The following MSRA variants were observed in gnomAD, a reference collection of about 807,000 sequenced individuals.
MSRA encodes the protein mitochondrial peptide methionine sulfoxide reductase.
A neutral mutation model predicts 31.3 loss-of-function variants in MSRA; 54 were observed. That is an observed-to-expected ratio of 1.73 (90% CI 1.39 to 2.17). MSRA has a LOEUF of 2.17. Ranked by LOEUF, MSRA falls within the 30% of genes most tolerant of loss-of-function variation. The probability of loss-of-function intolerance (pLI) is 0.00; values close to 1 mark genes in which losing one functional copy is unlikely to be tolerated. For missense variants in MSRA, 507 were observed against 300.9 expected, an observed-to-expected ratio of 1.69 and a Z score of -5.07; for synonymous variants, 169 against 116.5, an observed-to-expected ratio of 1.45 and a Z score of -2.90.
intron 3 of MSRA, among the ~76,000 whole-genome samples, chr8:10,288,133 G>A (rs1335982351): frequency 6.6e-6 from 1 of 152,202 alleles, no homozygotes; most frequent in Non-Finnish European, 1.5e-5. Context: ...TCACCATTTT[G>A]ATTGTACTGA....
At chr8:10,298,789 G>C (rs910303905) in intron 3 of MSRA, among the ~76,000 whole-genome samples, 1 of 152,076 alleles carries the variant, frequency 6.6e-6, no homozygotes, top group African/African-American at 2.4e-5. Flanking sequence ...TACCACGTTT[G>C]TTTCCCTTTG....
intron 4 of MSRA, among the ~76,000 whole-genome samples, chr8:10,315,384 G>T (rs754486803): frequency 6.6e-6 from 1 of 152,244 alleles, no homozygotes; most frequent in Non-Finnish European, 1.5e-5. Context: ...ACACATGGAA[G>T]ACTCTCAAGG....
At chr8:10,142,633 T>A (rs1802812985) in intron 1 of MSRA, among the ~76,000 whole-genome samples, 2 of 152,254 alleles carry the variant, frequency 1.3e-5, no homozygotes, top group Non-Finnish European at 2.9e-5. Context: ...TTAGTCTCTT[T>A]AGGAGGTTAT....
intron 1 of MSRA, among the ~76,000 whole-genome samples, chr8:10,205,728 CTT>C (rs1232621086): frequency 3.3e-5 from 5 of 152,156 alleles, no homozygotes; most frequent in Admixed American, 3.3e-4. Flanking sequence ...CTTGCATAGT[CTT>C]TGTGTTTTCA....
rs983468393 is a variant in MSRA, at chr8:10,411,543, A to G, written c.544-16605A>G. The G allele has an allele frequency of 4.6e-5, 7 of 152,086 alleles. No individual in the cohort carries two copies. In the East Asian group the frequency reaches 1.3e-3, roughly 29 times the overall value. The allele number at this position is 152,086 out of a possible 1,614,324, so 9.4% of individuals were successfully genotyped here. A position where few individuals can be genotyped will look rare whatever the true frequency, so the allele number is the denominator to read the frequency against. On this transcript the variant is annotated intron_variant, in intron 5 of 5. Transcript: ENST00000317173. ...CATTGAATTCTTAGCTTCAGCCAAT[A>G]TAGTGTGAGGTTAGACATATTGCAG...
intron 3 of MSRA, among the ~76,000 whole-genome samples, chr8:10,269,351 A>T (rs1405780927): frequency 6.6e-6 from 1 of 152,244 alleles, no homozygotes; most frequent in Non-Finnish European, 1.5e-5. Context: ...TCTTCAAGAA[A>T]CAGAACTTAT....
At chr8:10,221,959 C>T (rs1316810622) in intron 2 of MSRA, among the ~76,000 whole-genome samples, 3 of 152,096 alleles carry the variant, frequency 2.0e-5, no homozygotes, top group African/African-American at 4.8e-5. Context: ...CAGCTGAGGT[C>T]AGAGACTACG....
At chr8:10,239,824 G>T (rs1215589288) in intron 2 of MSRA, among the ~76,000 whole-genome samples, 1 of 152,188 alleles carries the variant, frequency 6.6e-6, no homozygotes, top group African/African-American at 2.4e-5. Context: ...CCAAACACGT[G>T]TATTATTCAT....
intron 1 of MSRA, among the ~76,000 whole-genome samples, chr8:10,063,804 C>T (rs964012349): frequency 6.6e-6 from 1 of 152,200 alleles, no homozygotes; most frequent in Admixed American, 6.5e-5. Context: ...GAGAAAGAAG[C>T]TCCTATTATT....
intron 5 of MSRA, among the ~76,000 whole-genome samples, chr8:10,399,589 A>G (rs535058521): frequency 1.3e-5 from 2 of 152,358 alleles, no homozygotes; most frequent in South Asian, 4.1e-4. Flanking sequence ...TGCCAGCACC[A>G]TGCTTATATA....
At chr8:10,419,722 G>A (rs1311485631) in intron 5 of MSRA, among the ~76,000 whole-genome samples, 1 of 152,182 alleles carries the variant, frequency 6.6e-6, no homozygotes, top group African/African-American at 2.4e-5. Flanking sequence ...GTGGCGCTTG[G>A]TGTTTAGAGC....
At chr8:10,124,225 C>T (rs1801332441) in intron 1 of MSRA, among the ~76,000 whole-genome samples, 1 of 152,100 alleles carries the variant, frequency 6.6e-6, no homozygotes, top group African/African-American at 2.4e-5. Context: ...GATAAGTGGA[C>T]AGGGAGATCA....
intron 5 of MSRA, among the ~76,000 whole-genome samples, chr8:10,414,486 C>G (rs1808341197): frequency 6.6e-6 from 1 of 152,224 alleles, no homozygotes; most frequent in African/African-American, 2.4e-5. Context: ...GTTCTGCATC[C>G]TGAGACACCC....
At chr8:10,367,747 C>G (rs910346340) in intron 5 of MSRA, among the ~76,000 whole-genome samples, 1 of 152,236 alleles carries the variant, frequency 6.6e-6, no homozygotes, top group African/African-American at 2.4e-5. Flanking sequence ...CTGGACCCCA[C>G]TGGTGTGTTG....
At chr8:10,092,702 T>C (rs772623214) in intron 1 of MSRA, among the ~76,000 whole-genome samples, 7 of 152,090 alleles carry the variant, frequency 4.6e-5, no homozygotes, top group Non-Finnish European at 7.4e-5. Context: ...CTGTTGGTAC[T>C]AGTTGATTTA....
chr8:10,334,654 C>G (rs908897528), intron 5 of MSRA, among the ~76,000 whole-genome samples: 1 of 152,152 alleles, frequency 6.6e-6, no homozygotes, highest in Admixed American at 6.5e-5. Flanking sequence ...TTCCAGAGAT[C>G]AGAGCTTTCA....
At position 10,428,696 on chromosome 8, in the gene MSRA, C is replaced by T. The variant is rs1164626279; in HGVS notation, c.*384C>T. ...CCGCCAGTGCCTTACAATTTGCAAA[C>T]GTGTATAGCCTCAGTGACTCATTCG... On this transcript the variant is annotated 3_prime_UTR_variant, in exon 6 of 6. Transcript: ENST00000317173. 4.4e-5 allele frequency: 10 copies of T among 229,848 alleles called. No individual in the cohort carries two copies. The highest frequency in any genetic ancestry group is 3.2e-4 in the South Asian group (5 of 15,744). The allele number at this position is 229,848 out of a possible 1,614,324, so 14.2% of individuals were successfully genotyped here.
At chr8:10,368,895 C>T (rs761305243) in intron 5 of MSRA, among the ~76,000 whole-genome samples, 2 of 151,692 alleles carry the variant, frequency 1.3e-5, no homozygotes, top group Non-Finnish European at 2.9e-5. Context: ...GCCAGAAAAC[C>T]AAGCAAAGGC....
At chr8:10,419,531 G>A (rs1401127391) in intron 5 of MSRA, among the ~76,000 whole-genome samples, 4 of 152,168 alleles carry the variant, frequency 2.6e-5, no homozygotes, top group Admixed American at 2.6e-4. Flanking sequence ...GACGTGAGAT[G>A]GTGAAAGAGA....
Sources: gnomAD v4.1 joint callset for allele counts (sites outside exome capture counted in the v4.1 genomes callset) on GRCh38, gnomAD v4.1.1 for gene constraint, MANE v1.5 for transcripts, NCBI Gene and HGNC (gene_info 2026-07-23, HGNC 2026-07-21) for gene names.